PCDH15: variants seen among roughly 807,000 people sequenced by gnomAD.
PCDH15 encodes protocadherin-15.
Under a neutral mutation model 178.5 loss-of-function variants are expected in PCDH15, and 129 were observed. The ratio of observed to expected loss-of-function variants is 0.72; its 90% confidence interval spans 0.63 to 0.84. The LOEUF (loss-of-function observed/expected upper bound fraction) is 0.84. PCDH15 is among the 40% of genes least tolerant of loss of function. The pLI, the probability that PCDH15 is intolerant of heterozygous loss-of-function variation, is 0.00. For synonymous variants in PCDH15, 800 were observed against 732.0 expected (o/e 1.09, Z -1.50); for missense variants, 2,230 against 2,099.9 (o/e 1.06, Z -1.21).
At chr10:53,925,085 C>G (rs941334185) in intron 25 of PCDH15, among the ~76,000 whole-genome samples, 1 of 152,088 alleles carries the variant, frequency 6.6e-6, no homozygotes, top group Non-Finnish European at 1.5e-5. Context: ...GCAGACTGCC[C>G]CAGCTAGCTG....
intron 32 of PCDH15, among the ~76,000 whole-genome samples, chr10:53,824,352 A>G (rs1447207246): frequency 6.6e-6 from 1 of 152,188 alleles, no homozygotes; most frequent in Non-Finnish European, 1.5e-5. Flanking sequence ...CTCTCAAGCC[A>G]AAACAGAATA....
intron 14 of PCDH15, among the ~76,000 whole-genome samples, chr10:54,139,902 T>C (rs777171076): frequency 2.0e-5 from 3 of 152,028 alleles, no homozygotes; most frequent in Non-Finnish European, 4.4e-5. Context: ...TTGTCCAAAA[T>C]TAAAATAACT....
At chr10:55,370,303 T>C (rs895693299) in intron 2 of PCDH15, among the ~76,000 whole-genome samples, 6 of 152,084 alleles carry the variant, frequency 3.9e-5, no homozygotes, top group African/African-American at 1.4e-4. Flanking sequence ...CCAGATTGGC[T>C]TTTAAATGAC....
intron 14 of PCDH15, among the ~76,000 whole-genome samples, chr10:54,138,850 A>G (rs892222964): frequency 5.9e-5 from 9 of 152,056 alleles, no homozygotes; most frequent in African/African-American, 2.2e-4. Context: ...AATAGATTGG[A>G]TCTTTATGTG....
intron 1 of PCDH15, among the ~76,000 whole-genome samples, chr10:55,186,743 C>CTGTGTG (rs71014463): frequency 6.7e-6 from 1 of 150,228 alleles, no homozygotes; most frequent in African/African-American, 2.4e-5. Context: ...ATACTCTCCT[C>CTGTGTG]TGTGTGTGTG....
At chr10:54,077,324 C>T (rs2094359132) in intron 17 of PCDH15, among the ~76,000 whole-genome samples, 1 of 152,064 alleles carries the variant, frequency 6.6e-6, no homozygotes, top group African/African-American at 2.4e-5. Flanking sequence ...GAACAATGAA[C>T]TAGAAAGAAC....
In PCDH15 at chr10:54,518,931, C is replaced by T. The variant is rs190618832; in HGVS notation, c.157+8881G>A. Among the ~76,000 whole-genome samples the T allele has an allele frequency of 5.4e-3, 823 of 152,252 alleles. 5 individuals are homozygous for T. The highest frequency in any genetic ancestry group is 0.019 in the African/African-American group (795 of 41,528). On this transcript the variant is annotated intron_variant, in intron 3 of 37. Transcript: ENST00000644397. The stretch of plus-strand genomic sequence containing the variant: ...TATATGCAAATCAATAAATGTAATC[C>T]AGCATATAAACAGATCCAAAGACAA...
At chr10:54,733,483 T>C (rs1338220535) in intron 1 of PCDH15, among the ~76,000 whole-genome samples, 1 of 151,574 alleles carries the variant, frequency 6.6e-6, no homozygotes, top group Admixed American at 6.6e-5. Context: ...AAGTGATGGG[T>C]ATACATATTC....
intron 3 of PCDH15, among the ~76,000 whole-genome samples, chr10:54,518,812 A>G (rs1364663953): frequency 2.0e-5 from 3 of 152,218 alleles, no homozygotes; most frequent in Non-Finnish European, 4.4e-5. Flanking sequence ...GAAATCCTCA[A>G]TAAAATACTG....
intron 1 of PCDH15, among the ~76,000 whole-genome samples, chr10:54,670,603 A>AAGG (rs1565902183): frequency 6.6e-6 from 1 of 152,186 alleles, no homozygotes; most frequent in Non-Finnish European, 1.5e-5. Flanking sequence ...AGTCTATAAT[A>AAGG]GATACATGCC....
At chr10:54,488,286 A>G (rs1421632537) in intron 3 of PCDH15, among the ~76,000 whole-genome samples, 2 of 151,854 alleles carry the variant, frequency 1.3e-5, no homozygotes, top group Non-Finnish European at 2.9e-5. Flanking sequence ...ACCCAAATTA[A>G]TTGGATACTT....
In PCDH15 at chr10:55,068,295, G is replaced by C. The variant is rs185119575; in HGVS notation, c.-80+98281C>G. 7.9e-5 allele frequency among the ~76,000 whole-genome samples: 12 copies of C among 152,050 alleles called. No individual in the cohort carries two copies. The East Asian group carries it at 2.3e-3, about 29-fold the overall frequency. On this transcript the variant is annotated intron_variant, in intron 2 of 5. Coordinates refer to the PCDH15 transcript ENST00000458638. Reference sequence around the variant, plus strand: ...TTTTTGTATATGATGGGAGATAGGGGTCTAGTTTTATTCTTCTGCATGTAG... The same window carrying C: ...TTTTTGTATATGATGGGAGATAGGGCTCTAGTTTTATTCTTCTGCATGTAG...
In PCDH15 at chr10:54,257,969, C is replaced by T. The variant is rs533922583; in HGVS notation, c.877-21038G>A. Among the ~76,000 whole-genome samples the T allele has an allele frequency of 2.0e-5, 3 of 152,126 alleles. No homozygotes were observed. In the South Asian group the frequency reaches 6.2e-4, roughly 32 times the overall value. The stretch of plus-strand genomic sequence containing the variant: ...CACGGCCCAGTACACATTAAGTTGA[C>T]CTACTGCATGATGTCCAGTCAGTAT... On this transcript the variant is annotated intron_variant, in intron 8 of 37. Transcript: ENST00000644397.
chr10:55,182,128 T>C (rs932147642), intron 1 of PCDH15, among the ~76,000 whole-genome samples: 1 of 151,946 alleles, frequency 6.6e-6, no homozygotes, highest in Non-Finnish European at 1.5e-5. Flanking sequence ...TCTGAGGTTT[T>C]CTAGCATGAG....
At chr10:53,813,511 G>A (rs2132409653) in intron 35 of PCDH15, among the ~76,000 whole-genome samples, 1 of 152,288 alleles carries the variant, frequency 6.6e-6, no homozygotes, top group South Asian at 2.1e-4. Context: ...TCTAAGTCTG[G>A]AGAGATTATT....
At chr10:54,512,359 T>TTGTGTGTG (rs200575121) in intron 3 of PCDH15, among the ~76,000 whole-genome samples, 6,991 of 133,948 alleles carry the variant, frequency 0.052, 214 homozygotes, top group Non-Finnish European at 0.062. Context: ...ATTTCTGGCA[T>TTGTGTGTG]TGTGTGTGTG....
At chr10:53,830,879 A>C (rs963456041) in intron 30 of PCDH15, among the ~76,000 whole-genome samples, 2 of 152,176 alleles carry the variant, frequency 1.3e-5, no homozygotes, top group African/African-American at 2.4e-5. Context: ...CACAAAGGCA[A>C]ATTTAACAGT....
chr10:54,355,125 A>G (rs2134335744), intron 5 of PCDH15, among the ~76,000 whole-genome samples: 1 of 149,080 alleles, frequency 6.7e-6, no homozygotes, highest in South Asian at 2.1e-4. Flanking sequence ...GATTGCAAAA[A>G]AAAAAAAAAA....
chr10:54,499,258 A>C (rs1332783653), intron 3 of PCDH15, among the ~76,000 whole-genome samples: 1 of 152,154 alleles, frequency 6.6e-6, no homozygotes, highest in African/African-American at 2.4e-5. Flanking sequence ...TATTAGACAG[A>C]TCACTGAGGT....
Sources: gnomAD v4.1 joint callset for allele counts (sites outside exome capture counted in the v4.1 genomes callset) on GRCh38, gnomAD v4.1.1 for gene constraint, MANE v1.5 for transcripts, NCBI Gene and HGNC (gene_info 2026-07-23, HGNC 2026-07-21) for gene names.